Variants in KIAA0930 observed in about 807,000 individuals in gnomAD.
The protein encoded by KIAA0930 is uncharacterized protein KIAA0930.
A neutral mutation model predicts 43.9 loss-of-function variants in KIAA0930; 24 were observed. That is an observed-to-expected ratio of 0.55 (90% CI 0.40 to 0.77). The LOEUF is 0.77. Ranked by LOEUF, KIAA0930 falls within the 30% of genes least tolerant of loss-of-function variation. The pLI is 0.00. For missense variants in KIAA0930, 461 were observed against 574.2 expected, an observed-to-expected ratio of 0.80 and a Z score of 2.02; for synonymous variants, 259 against 216.4, an observed-to-expected ratio of 1.20 and a Z score of -1.73.
At chr22:45,204,644 G>C (rs1177897019) in intron 5 of KIAA0930, among the ~76,000 whole-genome samples, 1 of 152,034 alleles carries the variant, frequency 6.6e-6, no homozygotes, top group African/African-American at 2.4e-5. Context: ...ACCCCGACCA[G>C]GGCCTCAACA....
chr22:45,213,582 C>A (rs1179681637), intron 1 of KIAA0930: 18 of 876,054 alleles, frequency 2.1e-5, no homozygotes, highest in Non-Finnish European at 2.6e-5. Context: ...TACTACAGAC[C>A]CTTGCAAAAT....
intron 1 of KIAA0930, among the ~76,000 whole-genome samples, chr22:45,214,544 G>A (rs969629802): frequency 6.6e-6 from 1 of 152,244 alleles, no homozygotes; most frequent in Admixed American, 6.5e-5. Context: ...TAAAGCAGGA[G>A]GGTGGTTGCC....
intron 1 of KIAA0930, among the ~76,000 whole-genome samples, chr22:45,225,329 T>C (rs1403399102): frequency 6.6e-6 from 1 of 152,088 alleles, no homozygotes; most frequent in African/African-American, 2.4e-5. Context: ...GGAGGGGAGC[T>C]GGACCATTGA....
In KIAA0930 at chr22:45,205,725, TC is replaced by T. The variant is rs770220350; in HGVS notation, c.337-19del. 1 of 1,613,888 alleles carries T rather than the reference TC, an allele frequency of 6.2e-7. No homozygotes were observed. The highest frequency in any genetic ancestry group is 2.2e-5 in the East Asian group (1 of 44,870). Reference sequence around the variant, plus strand: ...TAGTCCAGCTGGAAGAGAGCACGGGTCAGCGTGCAGGGAGGGGTCAGCCATC... The same window carrying T: ...TAGTCCAGCTGGAAGAGAGCACGGGTAGCGTGCAGGGAGGGGTCAGCCATC... On this transcript the variant is annotated intron_variant, in intron 3 of 9. Coordinates refer to ENST00000336156, the MANE Select transcript of KIAA0930 (RefSeq NM_001009880.2).
chr22:45,212,081 A>G lies in KIAA0930; in HGVS notation c.91T>C (p.Phe31Leu), dbSNP rs1303255293. 1.2e-6 allele frequency: 2 copies of G among 1,613,844 alleles called. No individual in the cohort carries two copies. The highest frequency in any genetic ancestry group is 1.7e-6 in the Non-Finnish European group (2 of 1,180,012). Residue 31 changes from phenylalanine to leucine, a missense_variant, in exon 2 of 10, where the codon TTC (phenylalanine) becomes CTC (leucine). Phe to Leu is a conservative substitution (Grantham distance 22). Transcript: ENST00000336156. ...LGCFKDDRIVFWTWMFSTYFM... is the reference protein window; with the variant it reads ...LGCFKDDRIVLWTWMFSTYFM... ...TAGGTGGAGAACATCCAAGTCCAGAAGACGATGCGGTCATCCTTGAAGCAC... is the reference window on the plus strand; with the variant it reads ...TAGGTGGAGAACATCCAAGTCCAGAGGACGATGCGGTCATCCTTGAAGCAC...
intron 1 of KIAA0930, among the ~76,000 whole-genome samples, chr22:45,214,229 C>G (rs185950550): frequency 2.6e-5 from 4 of 152,120 alleles, no homozygotes; most frequent in Non-Finnish European, 5.9e-5. Flanking sequence ...CAGATTCTCA[C>G]AGAGTTATAC....
chr22:45,200,521 G>A (rs774106983), intron 7 of KIAA0930, among the ~76,000 whole-genome samples: 1 of 152,154 alleles, frequency 6.6e-6, no homozygotes, highest in Non-Finnish European at 1.5e-5. Context: ...CAGCAGCCCT[G>A]TCTTCTGTCC....
Position 45,194,028 on chromosome 22 carries a change from G to A in KIAA0930, c.*3148C>T, listed in dbSNP as rs996929821. ...TTGAGACCAACATGCCTTAAAGGGG[G>A]TTTGGGTTTAAAGACCAATGTATCT... On this transcript the variant is annotated 3_prime_UTR_variant, in exon 10 of 10. Transcript: ENST00000336156. 1 of 134,982 alleles carries A rather than the reference G, an allele frequency of 7.4e-6. No individual in the cohort carries two copies. The highest frequency in any genetic ancestry group is 2.7e-5 in the African/African-American group (1 of 37,082). The allele number at this position is 134,982 out of a possible 1,614,324, so 8.4% of individuals were successfully genotyped here.
intron 2 of KIAA0930, chr22:45,211,528 C>T (rs1029032302): frequency 9.7e-5 from 43 of 444,952 alleles, no homozygotes; most frequent in Admixed American, 7.7e-5. Context: ...TAGATGATGG[C>T]GAGGGCTCAG....
intron 1 of KIAA0930, among the ~76,000 whole-genome samples, chr22:45,218,770 G>A (rs1457539990): frequency 6.6e-6 from 1 of 152,068 alleles, no homozygotes; most frequent in African/African-American, 2.4e-5. Context: ...AGCGAACCCG[G>A]GGGTCACCTG....
chr22:45,238,751 T>C (rs921497073), intron 1 of KIAA0930, among the ~76,000 whole-genome samples: 2 of 151,950 alleles, frequency 1.3e-5, no homozygotes, highest in East Asian at 1.9e-4. Flanking sequence ...GTGAGTATCG[T>C]AGGCACATAA....
intron 1 of KIAA0930, 85 bp from the exon 2 acceptor site, chr22:45,212,192 C>T (rs749760575): frequency 1.9e-6 from 3 of 1,613,100 alleles, no homozygotes; most frequent in South Asian, 2.2e-5. Context: ...CGCCCATACC[C>T]CCACATTTCT....
At chr22:45,230,174 G>A (rs1285099120) in intron 1 of KIAA0930, among the ~76,000 whole-genome samples, 1 of 152,218 alleles carries the variant, frequency 6.6e-6, no homozygotes, top group Non-Finnish European at 1.5e-5. Flanking sequence ...AGCTGGCTGA[G>A]GGGCAAGGGA....
intron 1 of KIAA0930, among the ~76,000 whole-genome samples, chr22:45,239,948 C>A (rs2083906894): frequency 6.6e-6 from 1 of 152,098 alleles, no homozygotes; most frequent in Admixed American, 6.5e-5. Context: ...GAGACCCCAC[C>A]CACACCTGCA....
intron 3 of KIAA0930, 39 bp from the exon 4 acceptor site, chr22:45,205,746 G>A (rs1442628321): frequency 6.2e-7 from 1 of 1,612,884 alleles, no homozygotes; most frequent in South Asian, 1.1e-5. Flanking sequence ...GGAGGGGTCA[G>A]CCATCCCACA....
At chr22:45,207,403 A>G (rs1423832658) in intron 2 of KIAA0930, among the ~76,000 whole-genome samples, 1 of 148,492 alleles carries the variant, frequency 6.7e-6, no homozygotes, top group East Asian at 2.0e-4. Context: ...GCTCACTGCA[A>G]CCTCTACCTC....
intron 1 of KIAA0930, among the ~76,000 whole-genome samples, chr22:45,231,292 G>C (rs550739334): frequency 1.3e-4 from 20 of 151,400 alleles, no homozygotes; most frequent in Non-Finnish European, 2.6e-4. Context: ...ACTTCCTTAT[G>C]AAGGCTCCTG....
In KIAA0930 at chr22:45,203,139, A is replaced by T. The variant is rs771171042; in HGVS notation, c.703T>A (p.Tyr235Asn). The change falls in exon 7 of 10, where the codon TAC becomes AAC. Residue 235 changes from tyrosine (Y) to asparagine (N), a missense_variant. Tyr to Asn is a moderately radical substitution (Grantham distance 143). Transcript: ENST00000336156. ...ACAAACTCCATGTTGCTGTACTTGT[A>T]GAAGCCAAACGACATCTTCTGTGCC... ...RMAQKMSFGF[Y>N]KYSNMEFVRM... 1 of 1,612,984 alleles carries T rather than the reference A, an allele frequency of 6.2e-7. No homozygotes were observed. Among genetic ancestry groups the T allele is most frequent in the East Asian group, 2.2e-5 (1 of 44,812 alleles).
In KIAA0930 at chr22:45,193,197, A is replaced by AAAAACC. The variant is rs1261632447; in HGVS notation, c.*3978_*3979insGGTTTT. Reference sequence around the variant, plus strand: ...GGACAGGAAGAACCAGTGGGCTGTCAAGAGACACTTGGTTTTTGAAACAGG... The same window carrying AAAAACC: ...GGACAGGAAGAACCAGTGGGCTGTCAAAAACCAGAGACACTTGGTTTTTGAAACAGG... On this transcript the variant is annotated 3_prime_UTR_variant, in exon 10 of 10. Coordinates refer to ENST00000336156, the MANE Select transcript of KIAA0930 (RefSeq NM_001009880.2). 1 of 152,242 alleles carries AAAAACC rather than the reference A, an allele frequency of 6.6e-6. No individual in the cohort carries two copies. The highest frequency in any genetic ancestry group is 2.4e-5 in the African/African-American group (1 of 41,462). 9.4% of individuals were successfully genotyped at this position (152,242 alleles called of 1,614,324 possible).
Sources: gnomAD v4.1 joint callset for allele counts (sites outside exome capture counted in the v4.1 genomes callset) on GRCh38, gnomAD v4.1.1 for gene constraint, MANE v1.5 for transcripts, NCBI Gene and HGNC (gene_info 2026-07-23, HGNC 2026-07-21) for gene names.